The following FAM161A variants were observed in gnomAD, a reference collection of about 807,000 sequenced individuals.
FAM161A encodes the protein protein FAM161A.
FAM161A carries 57 observed loss-of-function variants against 70.9 expected under a neutral mutation model. The observed-to-expected ratio is 0.80, with a 90% CI of 0.65 to 1.00. FAM161A has a LOEUF of 1.00. Among genes scored for constraint, FAM161A ranks in the 50% least tolerant of loss-of-function variants. FAM161A has a pLI of 0.00. For synonymous variants in FAM161A, 299 were observed against 295.7 expected (o/e 1.01, Z -0.12); for missense variants, 880 against 836.0 (o/e 1.05, Z -0.65).
In FAM161A at chr2:61,826,569, T is replaced by C. The variant is rs2105058826; in HGVS notation, c.2037A>G (p.Arg679=). The C allele has an allele frequency of 6.2e-7, 1 of 1,600,640 alleles. No individual in the cohort carries two copies. The highest frequency in any genetic ancestry group is 2.2e-5 in the East Asian group (1 of 44,798). The part of the protein sequence containing the change: ...SFNEEEKIEE[R]ENGEENYFID... ...TAAAATAATTTTCTTCCCCATTCTC[T>C]CTTTCTTCTATTTTTTCTTCTTCAT... The change falls in exon 7 of 7, where the codon AGA becomes AGG. Residue 679 remains arginine, a synonymous_variant. Transcript: ENST00000404929.
chr2:61,808,881 CT>C, the FAM161A span, among the ~76,000 whole-genome samples: 42 of 148,656 alleles, frequency 2.8e-4, no homozygotes, highest in Non-Finnish European at 4.9e-4. Flanking sequence ...GTAATGTTGA[CT>C]TTTTTTTTTG....
chr2:61,846,471 G>A (rs1224198447), intron 1 of FAM161A, among the ~76,000 whole-genome samples: 1 of 152,184 alleles, frequency 6.6e-6, no homozygotes, highest in African/African-American at 2.4e-5. Context: ...TTAGGAGAAA[G>A]ATTTCAGATG....
At chr2:61,816,288 C>T in the FAM161A span, among the ~76,000 whole-genome samples, 4 of 152,262 alleles carry the variant, frequency 2.6e-5, no homozygotes, top group African/African-American at 9.6e-5. Flanking sequence ...TACATTCACC[C>T]TCCCACTGCC....
At chr2:61,820,582 A>T (rs1473670874), downstream of FAM161A, 3 of 730,102 alleles carry the variant, frequency 4.1e-6, no homozygotes. Context: ...GATAAATGTG[A>T]ACACTGCTAG....
At chr2:61,820,494 T>G (rs897065134), downstream of FAM161A, 3 of 754,232 alleles carry the variant, frequency 4.0e-6, no homozygotes, top group Non-Finnish European at 7.3e-6. Flanking sequence ...AAAGACCAGG[T>G]GCCCACCTAA....
At chr2:61,804,774 G>GAAAGAAAGAAAGAA in the FAM161A span, among the ~76,000 whole-genome samples, 1 of 123,524 alleles carries the variant, frequency 8.1e-6, no homozygotes, top group Non-Finnish European at 1.7e-5. Flanking sequence ...GAAAGAGAAA[G>GAAAGAAAGAAAGAA]AAAGAAAGAA....
the FAM161A span, among the ~76,000 whole-genome samples, chr2:61,812,190 T>C: frequency 2.6e-5 from 4 of 152,166 alleles, no homozygotes; most frequent in Non-Finnish European, 4.4e-5. Context: ...TATTTTTCTT[T>C]ATTAAACAAC....
downstream of FAM161A, chr2:61,820,062 T>C (rs1672170930): frequency 3.6e-6 from 1 of 279,342 alleles, no homozygotes; most frequent in African/African-American, 2.1e-5. Context: ...GAAATGCTAC[T>C]TTATACAGTA....
At chr2:61,812,446 G>T in the FAM161A span, among the ~76,000 whole-genome samples, 1 of 152,206 alleles carries the variant, frequency 6.6e-6, no homozygotes, top group African/African-American at 2.4e-5. Flanking sequence ...TTTAGTCCAG[G>T]CGTGGTGGCT....
chr2:61,822,335 A>G (rs1011304013), downstream of FAM161A, among the ~76,000 whole-genome samples: 1 of 152,118 alleles, frequency 6.6e-6, no homozygotes, highest in Non-Finnish European at 1.5e-5. Context: ...AATACAGGTA[A>G]GTTAGTAAAC....
chr2:61,853,760 C>G, intron 1 of FAM161A, 99 bp downstream of exon 1: 1 of 1,373,126 alleles, frequency 7.3e-7, no homozygotes. Context: ...CAGGGACCCG[C>G]GTTTACCAGC....
chr2:61,813,588 A>G, the FAM161A span, among the ~76,000 whole-genome samples: 102 of 149,170 alleles, frequency 6.8e-4, 1 homozygote, highest in East Asian at 3.7e-3. Flanking sequence ...ATGTGGTGGC[A>G]TGCACCTGTG....
At chr2:61,851,612 G>A (rs1372467563) in intron 1 of FAM161A, among the ~76,000 whole-genome samples, 1 of 152,198 alleles carries the variant, frequency 6.6e-6, no homozygotes, top group Non-Finnish European at 1.5e-5. Context: ...TGGGAGGAGT[G>A]AGATTTTAAT....
At chr2:61,849,214 G>T (rs1673411646) in intron 1 of FAM161A, among the ~76,000 whole-genome samples, 1 of 143,024 alleles carries the variant, frequency 7.0e-6, no homozygotes. Context: ...TAGAAAAACG[G>T]CCAGAGAATA....
At position 61,853,911 on chromosome 2, in the gene FAM161A, G is replaced by T; in HGVS notation, c.131C>A (p.Ala44Glu). 1 of 1,613,956 alleles carries T rather than the reference G, an allele frequency of 6.2e-7. No individual in the cohort carries two copies. The highest frequency in any genetic ancestry group is 1.1e-5 in the South Asian group (1 of 91,086). ...CTCCTCCTCTTCGTCCTCCAAGATC[G>T]CCTCCGCTGCCGCCAGGGCCTTTAA... ...DPLKALAAAE[A>E]ILEDEEEEKV... Residue 44 changes from alanine (A) to glutamate (E), a missense_variant, in exon 1 of 7, where the codon GCG becomes GAG. Transcript: ENST00000404929.
intron 1 of FAM161A, among the ~76,000 whole-genome samples, chr2:61,847,595 G>T (rs1243429477): frequency 2.0e-5 from 3 of 151,892 alleles, no homozygotes; most frequent in African/African-American, 4.8e-5. Context: ...ACACGTCAAG[G>T]CCTCATCTCT....
rs796955898 is a variant in FAM161A at position 61,825,973 on chromosome 2, A to G, written c.*482T>C. ...CTTTTAAAAATGGCTCAGAGCAGCA[A>G]AACAAGTTAGAGGATTTATTCTGTG... On this transcript the variant is annotated 3_prime_UTR_variant, in exon 7 of 7. Coordinates refer to ENST00000404929, the MANE Select transcript of FAM161A (RefSeq NM_001201543.2). The G allele has an allele frequency of 6.6e-6, 3 of 454,074 alleles. No individual in the cohort carries two copies. Among genetic ancestry groups the G allele is most frequent in the Non-Finnish European group, 1.3e-5 (3 of 226,812 alleles). 28.1% of individuals were successfully genotyped at this position (454,074 alleles called of 1,614,324 possible).
chr2:61,804,812 A>AAGAAAGAAAGAAAG, the FAM161A span, among the ~76,000 whole-genome samples: 3 of 149,682 alleles, frequency 2.0e-5, no homozygotes, highest in African/African-American at 7.4e-5. Flanking sequence ...GAAAGAAAGA[A>AAGAAAGAAAGAAAG]AGAAAGAGAA....
chr2:61,837,480 AG>A lies in FAM161A; in HGVS notation c.1751+1057del, dbSNP rs1672815556. ...TATACACAAGTTGGTGTTATGAAAA[AG>A]CTATTGTCCAGGCACGGTGGCTCAC... On this transcript the variant is annotated intron_variant, in intron 4 of 6. Transcript: ENST00000404929. 2.0e-5 allele frequency among the ~76,000 whole-genome samples: 3 copies of A among 152,306 alleles called. No individual in the cohort carries two copies. The South Asian group carries it at 6.2e-4, about 32-fold the overall frequency.
Sources: gnomAD v4.1 joint callset for allele counts (sites outside exome capture counted in the v4.1 genomes callset) on GRCh38, gnomAD v4.1.1 for gene constraint, MANE v1.5 for transcripts, NCBI Gene and HGNC (gene_info 2026-07-23, HGNC 2026-07-21) for gene names.